EYS: variants seen among roughly 807,000 people sequenced by gnomAD.
The protein encoded by EYS is EGF-like photoreceptor maintenance factor.
EYS carries 250 observed loss-of-function variants against 282.1 expected under a neutral mutation model. That is an observed-to-expected ratio of 0.89 (90% CI 0.80 to 0.98). The LOEUF (loss-of-function observed/expected upper bound fraction) is 0.98, where lower values mean the gene tolerates loss of function less well. EYS is among the 50% of genes least tolerant of loss of function. EYS has a pLI of 0.00. For synonymous variants in EYS, 1,355 were observed against 1,282.9 expected, an observed-to-expected ratio of 1.06 and a Z score of -1.20; for missense variants, 4,016 against 3,709.0, an observed-to-expected ratio of 1.08 and a Z score of -2.15.
intron 31 of EYS, among the ~76,000 whole-genome samples, chr6:64,135,442 A>AGAAGG (rs1212740758): frequency 6.6e-6 from 1 of 152,090 alleles, no homozygotes; most frequent in Admixed American, 6.6e-5. Context: ...GGGGTGAGTG[A>AGAAGG]GAAGGGATTT....
At chr6:65,360,218 C>A (rs556721776) in intron 8 of EYS, among the ~76,000 whole-genome samples, 1 of 151,832 alleles carries the variant, frequency 6.6e-6, no homozygotes, top group Non-Finnish European at 1.5e-5. Context: ...CAGATTATTT[C>A]TAAAATATCT....
chr6:64,818,078 T>C (rs1764793578), intron 21 of EYS, among the ~76,000 whole-genome samples: 1 of 152,126 alleles, frequency 6.6e-6, no homozygotes, highest in Admixed American at 6.6e-5. Context: ...ATAACATATA[T>C]TTATAATTTG....
chr6:64,299,039 T>C (rs1769136043), intron 30 of EYS, among the ~76,000 whole-genome samples: 1 of 152,104 alleles, frequency 6.6e-6, no homozygotes, highest in African/African-American at 2.4e-5. Flanking sequence ...AATTGTAAAA[T>C]AGACACAAAC....
intron 28 of EYS, among the ~76,000 whole-genome samples, chr6:64,411,522 A>G (rs1773889926): frequency 6.6e-6 from 1 of 152,122 alleles, no homozygotes; most frequent in Non-Finnish European, 1.5e-5. Context: ...AGGCTCATAC[A>G]TTTATAAAAG....
At chr6:65,285,406 T>C (rs1450692778) in intron 12 of EYS, among the ~76,000 whole-genome samples, 2 of 152,018 alleles carry the variant, frequency 1.3e-5, no homozygotes, top group Non-Finnish European at 2.9e-5. Context: ...CTTAGTTTTC[T>C]GAGAAATGCA....
chr6:63,985,015 G>A (rs747755208), intron 34 of EYS, among the ~76,000 whole-genome samples: 1 of 151,648 alleles, frequency 6.6e-6, no homozygotes, highest in South Asian at 2.1e-4. Context: ...ATATATTGAA[G>A]TTCTAACCCC....
intron 11 of EYS, among the ~76,000 whole-genome samples, chr6:65,309,165 A>G (rs1424065332): frequency 2.0e-5 from 3 of 152,106 alleles, no homozygotes; most frequent in South Asian, 4.2e-4. Flanking sequence ...TTCTTTCGTC[A>G]GATTTCCTCA....
chr6:65,594,518 G>A (rs988895780), intron 2 of EYS, among the ~76,000 whole-genome samples: 9 of 151,884 alleles, frequency 5.9e-5, no homozygotes, highest in African/African-American at 1.9e-4. Context: ...ATATATTTGT[G>A]TCTGTCTTAT....
chr6:64,036,999 T>C (rs1415899374), intron 33 of EYS, among the ~76,000 whole-genome samples: 1 of 152,142 alleles, frequency 6.6e-6, no homozygotes, highest in African/African-American at 2.4e-5. Context: ...AATAATGCAT[T>C]ATGTTTTGGA....
At chr6:64,650,518 G>C (rs1022117684) in intron 22 of EYS, among the ~76,000 whole-genome samples, 1 of 151,980 alleles carries the variant, frequency 6.6e-6, no homozygotes, top group African/African-American at 2.4e-5. Flanking sequence ...AGATTCATAG[G>C]AGAATTTAAC....
Position 64,762,278 on chromosome 6 carries a change from AACAACCTC to A in EYS, c.3443+51092_3443+51099del, listed in dbSNP as rs1478581387. 5.3e-5 allele frequency among the ~76,000 whole-genome samples: 8 copies of A among 152,336 alleles called. 1 individual carries two copies. Among genetic ancestry groups the A allele is most frequent in the African/African-American group, 1.9e-4 (8 of 41,564 alleles). On this transcript the variant is annotated intron_variant, in intron 22 of 42. Transcript: ENST00000503581. The stretch of plus-strand genomic sequence containing the variant: ...GATTGACTGCTGAAAAAAAGTAATG[AACAACCTC>A]ACTTAACAAGTTGCAGAAGGCAAAA...
intron 13 of EYS, among the ~76,000 whole-genome samples, chr6:65,036,818 G>A (rs978629985): frequency 5.3e-5 from 8 of 152,048 alleles, no homozygotes; most frequent in East Asian, 3.9e-4. Context: ...AACAGATGTC[G>A]GTGAGGTTGT....
chr6:64,120,735 T>G (rs921347502), intron 31 of EYS, among the ~76,000 whole-genome samples: 1 of 152,198 alleles, frequency 6.6e-6, no homozygotes, highest in African/African-American at 2.4e-5. Flanking sequence ...TTTTAATTAT[T>G]ATTATATTTA....
chr6:64,546,353 C>T (rs1293481425), intron 26 of EYS, among the ~76,000 whole-genome samples: 2 of 152,120 alleles, frequency 1.3e-5, no homozygotes, highest in Non-Finnish European at 2.9e-5. Context: ...GTTCCTTACA[C>T]CTTATACAAA....
chr6:64,040,602 G>T (rs756711930), intron 33 of EYS, among the ~76,000 whole-genome samples: 1 of 152,142 alleles, frequency 6.6e-6, no homozygotes, highest in African/African-American at 2.4e-5. Context: ...AAGATAAAAA[G>T]TATTAGTTTA....
intron 5 of EYS, among the ~76,000 whole-genome samples, chr6:65,450,102 A>C (rs1004932969): frequency 8.5e-5 from 13 of 152,130 alleles, no homozygotes; most frequent in African/African-American, 2.9e-4. Context: ...TTAACATTGC[A>C]TGTCTAATTC....
intron 13 of EYS, among the ~76,000 whole-genome samples, chr6:65,013,931 T>G (rs1189309548): frequency 6.6e-6 from 1 of 152,156 alleles, no homozygotes. Context: ...ATTGTTTACT[T>G]TATATGGAAG....
At chr6:64,124,313 T>C (rs1582303902) in intron 31 of EYS, among the ~76,000 whole-genome samples, 2 of 152,202 alleles carry the variant, frequency 1.3e-5, no homozygotes, top group African/African-American at 4.8e-5. Flanking sequence ...CTTTTCTTTA[T>C]GCTTGGATAC....
chr6:64,799,602 G>A (rs1583170322), intron 22 of EYS, among the ~76,000 whole-genome samples: 1 of 150,660 alleles, frequency 6.6e-6, no homozygotes, highest in Non-Finnish European at 1.5e-5. Flanking sequence ...AGAGTGACTA[G>A]GCCATATCTG....
Sources: gnomAD v4.1 joint callset for allele counts (sites outside exome capture counted in the v4.1 genomes callset) on GRCh38, gnomAD v4.1.1 for gene constraint, MANE v1.5 for transcripts, NCBI Gene and HGNC (gene_info 2026-07-23, HGNC 2026-07-21) for gene names.